Variants in C3orf22 observed in about 807,000 individuals in gnomAD.
C3orf22 encodes uncharacterized protein C3orf22.
In C3orf22, 7 loss-of-function variants were observed where a neutral mutation model predicts 10.8. The observed-to-expected ratio is 0.65, with a 90% CI of 0.37 to 1.22. C3orf22 has a LOEUF of 1.22. Ranked by LOEUF, C3orf22 falls within the 50% of genes most tolerant of loss-of-function variation. The pLI is 0.02. For synonymous variants in C3orf22, 79 were observed against 78.9 expected (o/e 1.00, Z 0.00); for missense variants, 173 against 177.0 (o/e 0.98, Z 0.13).
At chr3:126,529,188 C>T (rs1225882263) in exon 5 of C3orf22, 7 of 685,600 alleles carry the variant, frequency 1.0e-5, no homozygotes, top group Middle Eastern at 2.8e-4. Flanking sequence ...GGAGGATGGT[C>T]GTGCTTCTGC....
chr3:126,535,158 GAGAC>G (rs1211208306), intron 4 of C3orf22, among the ~76,000 whole-genome samples: 2 of 126,068 alleles, frequency 1.6e-5, no homozygotes, highest in Non-Finnish European at 3.3e-5. Flanking sequence ...CCCCAGCCGG[GAGAC>G]AGACAGCATC....
At chr3:126,556,656 ACACACACACT>A (rs1937338973) in intron 1 of C3orf22, among the ~76,000 whole-genome samples, 2 of 151,574 alleles carry the variant, frequency 1.3e-5, no homozygotes, top group Admixed American at 6.6e-5. Context: ...ACACACACAC[ACACACACACT>A]CACTCTCACA....
intron 4 of C3orf22, among the ~76,000 whole-genome samples, chr3:126,533,353 A>AG (rs1936697579): frequency 6.6e-6 from 1 of 152,114 alleles, no homozygotes; most frequent in Non-Finnish European, 1.5e-5. Context: ...AAGTTATCTG[A>AG]GGGTTTTTCG....
chr3:126,530,745 G>A (rs114218365), intron 4 of C3orf22, among the ~76,000 whole-genome samples: 2,732 of 152,348 alleles, frequency 0.018, 39 homozygotes, highest in Middle Eastern at 0.037. Context: ...TGACGGTGTC[G>A]TTCCTGGGAC....
intron 5 of C3orf22, among the ~76,000 whole-genome samples, chr3:126,528,871 T>G (rs1936588948): frequency 6.6e-6 from 1 of 152,212 alleles, no homozygotes; most frequent in Admixed American, 6.5e-5. Flanking sequence ...CCAGAAGGAA[T>G]GTCCCTGACT....
intron 1 of C3orf22, among the ~76,000 whole-genome samples, chr3:126,555,684 A>T (rs923155458): frequency 5.3e-5 from 8 of 152,114 alleles, no homozygotes; most frequent in Non-Finnish European, 1.0e-4. Context: ...GTCCATGGAA[A>T]AATTGTTTTC....
chr3:126,548,699 G>A (rs1937111547), downstream of C3orf22, among the ~76,000 whole-genome samples: 2 of 152,098 alleles, frequency 1.3e-5, no homozygotes, highest in African/African-American at 4.8e-5. Flanking sequence ...GGCTGGGGCG[G>A]CACAGTGCAG....
At chr3:126,545,103 G>C (rs570537616), downstream of C3orf22, among the ~76,000 whole-genome samples, 2 of 152,234 alleles carry the variant, frequency 1.3e-5, no homozygotes, top group Non-Finnish European at 2.9e-5. Flanking sequence ...AGAAAGACAG[G>C]GTCACATGTG....
At chr3:126,528,663 G>A (rs924186133) in intron 5 of C3orf22, among the ~76,000 whole-genome samples, 17 of 152,180 alleles carry the variant, frequency 1.1e-4, no homozygotes, top group African/African-American at 4.1e-4. Context: ...GGAGGGTTCT[G>A]GAGGCACAGC....
At chr3:126,543,476 G>A (rs1382834484) in intron 4 of C3orf22, among the ~76,000 whole-genome samples, 8 of 152,084 alleles carry the variant, frequency 5.3e-5, no homozygotes, top group African/African-American at 1.9e-4. Context: ...GGGCTACATG[G>A]GGCATAAGGT....
chr3:126,529,470 C>T (rs1936604956), intron 4 of C3orf22: 2 of 1,126,798 alleles, frequency 1.8e-6, no homozygotes, highest in African/African-American at 3.2e-5. Context: ...CACCGGTGGC[C>T]TGGGGTCAAA....
chr3:126,536,469 G>T lies in C3orf22; in HGVS notation c.287-7097C>A, dbSNP rs1576231559. 10 of 738,626 alleles carry T rather than the reference G, an allele frequency of 1.4e-5. No homozygotes were observed. In the East Asian group the frequency reaches 2.7e-4, roughly 20 times the overall value. The allele number at this position is 738,626 out of a possible 1,614,324, so 45.8% of individuals were successfully genotyped here. ...GGACCCCACACTGGGGCACAGAAGG[G>T]CATCCTCCCCAAACCAGGCTTTGTC... is the stretch of plus-strand genomic sequence containing the variant. On this transcript the variant is annotated intron_variant and NMD_transcript_variant, in intron 4 of 5. Coordinates refer to the C3orf22 transcript ENST00000505070.
intron 4 of C3orf22, among the ~76,000 whole-genome samples, chr3:126,543,957 A>T (rs527933216): frequency 3.3e-5 from 5 of 152,302 alleles, no homozygotes; most frequent in African/African-American, 1.2e-4. Context: ...TACAAAGCCC[A>T]GGGCCTTGCA....
At chr3:126,556,640 G>A (rs1174313441) in intron 1 of C3orf22, among the ~76,000 whole-genome samples, 3 of 48,318 alleles carry the variant, frequency 6.2e-5, no homozygotes, top group African/African-American at 8.2e-5. Flanking sequence ...ACTGACTGCC[G>A]TTCCCACACA....
chr3:126,554,801 G>A (rs930770230), intron 1 of C3orf22, among the ~76,000 whole-genome samples: 15 of 152,264 alleles, frequency 9.9e-5, no homozygotes, highest in African/African-American at 3.1e-4. Context: ...TTCGTCCCCT[G>A]AGCTGACAAG....
At chr3:126,529,165 G>A (rs28639949) in exon 5 of C3orf22, 32,885 of 542,264 alleles carry the variant, frequency 0.061, 1,297 homozygotes, top group South Asian at 0.11. Context: ...TTTGGCTGAG[G>A]TGGGTGTGCA....
exon 5 of C3orf22, chr3:126,529,153 GCTT>G: frequency 2.0e-6 from 1 of 493,126 alleles, no homozygotes; most frequent in Non-Finnish European, 3.6e-6. Flanking sequence ...CGCGAGCCCT[GCTT>G]TGGCTGAGGT....
chr3:126,552,917 G>T (rs1443095138), intron 2 of C3orf22, among the ~76,000 whole-genome samples: 1 of 152,236 alleles, frequency 6.6e-6, no homozygotes, highest in Non-Finnish European at 1.5e-5. Context: ...CTTGGCCCAG[G>T]CCCCCTCGGG....
intron 1 of C3orf22, among the ~76,000 whole-genome samples, chr3:126,556,915 GACAC>G (rs752844020): frequency 3.1e-4 from 38 of 120,890 alleles, no homozygotes; most frequent in Non-Finnish European, 2.5e-4. Context: ...CACACACATA[GACAC>G]ACACAGACAC....
Sources: allele counts gnomAD v4.1 joint callset (sites outside exome capture counted in the v4.1 genomes callset), GRCh38; gene constraint gnomAD v4.1.1; transcripts MANE v1.5; gene names NCBI Gene and HGNC (gene_info 2026-07-23, HGNC 2026-07-21).